Variants in P4HA1 observed in about 807,000 individuals in gnomAD.
P4HA1 encodes prolyl 4-hydroxylase subunit alpha 1.
Under a neutral mutation model 72.8 loss-of-function variants are expected in P4HA1, and 24 were observed. The observed-to-expected ratio is 0.33, with a 90% CI of 0.24 to 0.46. P4HA1 has a LOEUF of 0.46. Ranked by LOEUF, P4HA1 falls within the 20% of genes least tolerant of loss-of-function variation. The pLI is 1.00. For synonymous variants in P4HA1, 201 were observed against 218.8 expected (o/e 0.92, Z 0.72); for missense variants, 446 against 640.6 (o/e 0.70, Z 3.28).
chr10:73,014,538 G>A (rs547655956), intron 11 of P4HA1, among the ~76,000 whole-genome samples: 1 of 152,198 alleles, frequency 6.6e-6, no homozygotes, highest in African/African-American at 2.4e-5. Context: ...CTCCCAAAAT[G>A]CTAGGATCAC....
At chr10:73,060,138 T>C (rs554529419) in intron 5 of P4HA1, among the ~76,000 whole-genome samples, 1 of 152,202 alleles carries the variant, frequency 6.6e-6, no homozygotes, top group South Asian at 2.1e-4. Context: ...TTTAAGGATA[T>C]AAAGTACAAA....
rs1465179192 is a variant in P4HA1 at position 73,085,303 on chromosome 10, CA to C, written c.-32-10389del. Reference sequence around the variant, plus strand: ...CTGCTGTGCTTCAAGAAAGCGAAGACAATGTAAAAAAGTATTTGCGAATCAC... The same window carrying C: ...CTGCTGTGCTTCAAGAAAGCGAAGACATGTAAAAAAGTATTTGCGAATCAC... On this transcript the variant is annotated intron_variant, in intron 1 of 14. Transcript: ENST00000394890. 3.9e-5 allele frequency among the ~76,000 whole-genome samples: 6 copies of C among 151,948 alleles called. No homozygotes were observed. In the East Asian group the frequency reaches 1.2e-3, roughly 29 times the overall value.
At chr10:73,011,062 C>G (rs1839901252) in intron 12 of P4HA1, 25 bp from the exon 13 acceptor site, 4 of 1,573,924 alleles carry the variant, frequency 2.5e-6, no homozygotes, top group Non-Finnish European at 3.5e-6. Flanking sequence ...AGGGTGTTAT[C>G]AAAAGTGCTG....
intron 2 of P4HA1, among the ~76,000 whole-genome samples, chr10:73,074,190 T>A (rs1051093692): frequency 2.0e-5 from 3 of 152,216 alleles, no homozygotes; most frequent in Admixed American, 6.5e-5. Flanking sequence ...ACCTTTGTTT[T>A]TGAGACTAAT....
chr10:73,010,472 ACACAATG>A (rs1472475787), intron 13 of P4HA1, among the ~76,000 whole-genome samples: 1 of 152,196 alleles, frequency 6.6e-6, no homozygotes, highest in Non-Finnish European at 1.5e-5. Flanking sequence ...GGAGGGGAAA[ACACAATG>A]CAGAACCCAT....
chr10:73,067,286 T>C (rs953600476), intron 5 of P4HA1, among the ~76,000 whole-genome samples: 6 of 152,184 alleles, frequency 3.9e-5, no homozygotes, highest in African/African-American at 1.4e-4. Context: ...CTACCACCTC[T>C]TACTTAAATA....
chr10:73,080,487 T>C (rs368091230), intron 1 of P4HA1, among the ~76,000 whole-genome samples: 3 of 152,272 alleles, frequency 2.0e-5, no homozygotes, highest in African/African-American at 2.4e-5. Flanking sequence ...ATTTATCTTA[T>C]GTAAAAGTAC....
intron 1 of P4HA1, among the ~76,000 whole-genome samples, chr10:73,091,321 A>G (rs545894599): frequency 1.5e-3 from 228 of 152,094 alleles, no homozygotes; most frequent in African/African-American, 5.3e-3. Flanking sequence ...TGTTTTTTTG[A>G]GACAGGGTCT....
chr10:73,016,888 A>G lies in P4HA1; in HGVS notation c.1260T>C (p.Tyr420=), dbSNP rs1385338946. 1 of 1,611,580 alleles carries G rather than the reference A, an allele frequency of 6.2e-7. No individual in the cohort carries two copies. Among genetic ancestry groups the G allele is most frequent in the Non-Finnish European group, 8.5e-7 (1 of 1,177,934 alleles). ...GGGGTTCATACTGTCCTCCAACTCC[A>G]TAATTTGCTACCTGAAGGAAAGACA... is the stretch of plus-strand genomic sequence containing the variant. ...STAEELQVAN[Y]GVGGQYEPHF... The change falls in exon 11 of 15, where the codon TAT becomes TAC. Residue 420 remains tyrosine, a synonymous_variant. Transcript: ENST00000394890.
At chr10:73,033,173 C>A (rs1840480142) in intron 9 of P4HA1, among the ~76,000 whole-genome samples, 2 of 152,158 alleles carry the variant, frequency 1.3e-5, no homozygotes, top group African/African-American at 4.8e-5. Flanking sequence ...AAGCAACCAA[C>A]CAACTACTGA....
chr10:73,030,468 A>G (rs1840408265), intron 9 of P4HA1, 98 bp from the exon 10 acceptor site: 2 of 492,416 alleles, frequency 4.1e-6, no homozygotes, highest in South Asian at 1.3e-4. Flanking sequence ...TATATAGGAC[A>G]ATAAACCTTT....
At chr10:73,013,043 G>A (rs928525849) in intron 12 of P4HA1, among the ~76,000 whole-genome samples, 5 of 152,112 alleles carry the variant, frequency 3.3e-5, no homozygotes, top group African/African-American at 7.2e-5. Context: ...TGATCTGCCC[G>A]CCTCGGCCTC....
At chr10:73,094,995 C>T (rs768986431) in intron 1 of P4HA1, among the ~76,000 whole-genome samples, 2 of 152,188 alleles carry the variant, frequency 1.3e-5, no homozygotes, top group East Asian at 1.9e-4. Flanking sequence ...AAAAACAGCA[C>T]TACCCATTTA....
chr10:73,015,343 C>T (rs1343583066), intron 11 of P4HA1, among the ~76,000 whole-genome samples: 1 of 152,120 alleles, frequency 6.6e-6, no homozygotes, highest in Non-Finnish European at 1.5e-5. Flanking sequence ...AAATGTCCTT[C>T]GATGGGTGAA....
At chr10:73,065,134 G>C (rs754100453) in intron 5 of P4HA1, 9 of 152,060 alleles carry the variant, frequency 5.9e-5, no homozygotes, top group Admixed American at 1.3e-4. Flanking sequence ...TGATGCAAGT[G>C]ACCAGAAGGG....
intron 5 of P4HA1, 115 bp downstream of exon 5, chr10:73,068,731 C>A: frequency 1.2e-6 from 1 of 860,980 alleles, no homozygotes; most frequent in South Asian, 1.7e-5. Context: ...GGCTATGAAA[C>A]AAACTACAAT....
At position 73,016,731 on chromosome 10, in the gene P4HA1, C is replaced by A; in HGVS notation, c.1302+115G>T. The A allele has an allele frequency of 6.1e-6, 4 of 651,334 alleles. 1 individual carries two copies. The highest frequency in any genetic ancestry group is 3.2e-5 in the East Asian group (1 of 31,336). 40.3% of individuals were successfully genotyped at this position (651,334 alleles called of 1,614,324 possible). A position where few individuals can be genotyped will look rare whatever the true frequency, so the allele number is the denominator to read the frequency against. On this transcript the variant is annotated intron_variant, in intron 11 of 14. Coordinates refer to ENST00000394890, the MANE Select transcript of P4HA1 (RefSeq NM_001017962.3). ...GGCAGAGGTTGCAGTGAGCCAAGAT[C>A]GTGCTACTGCACTCCAGCCTGGGTG...
rs146324486 is a variant in P4HA1, at chr10:73,031,017, T to C, written c.1149-647A>G. ...ACCCAGCAATTTACTTCTAGGTATA[T>C]ATCCAAGAGAAATTAAATCTTATGT... On this transcript the variant is annotated intron_variant, in intron 9 of 14. Transcript: ENST00000394890. 5.3e-4 allele frequency among the ~76,000 whole-genome samples: 80 copies of C among 152,324 alleles called. 1 individual carries two copies. Among genetic ancestry groups the C allele is most frequent in the African/African-American group, 1.7e-3 (69 of 41,554 alleles).
At chr10:73,023,960 C>A (rs1173470555) in intron 10 of P4HA1, among the ~76,000 whole-genome samples, 1 of 152,076 alleles carries the variant, frequency 6.6e-6, no homozygotes, top group East Asian at 1.9e-4. Flanking sequence ...TATATATGCA[C>A]CCAATACAGG....
Sources: gnomAD v4.1 joint callset for allele counts (sites outside exome capture counted in the v4.1 genomes callset) on GRCh38, gnomAD v4.1.1 for gene constraint, MANE v1.5 for transcripts, NCBI Gene and HGNC (gene_info 2026-07-23, HGNC 2026-07-21) for gene names.